EXT2: variants seen among roughly 807,000 people sequenced by gnomAD.
EXT2 encodes the protein exostosin glycosyltransferase 2.
EXT2 carries 53 observed loss-of-function variants against 81.6 expected under a neutral mutation model. That is an observed-to-expected ratio of 0.65 (90% CI 0.52 to 0.82). The LOEUF (loss-of-function observed/expected upper bound fraction) is 0.82. Among genes scored for constraint, EXT2 ranks in the 40% least tolerant of loss-of-function variants. The probability of loss-of-function intolerance (pLI) is 0.00; values close to 1 mark genes in which losing one functional copy is unlikely to be tolerated. For synonymous variants in EXT2, 320 were observed against 340.0 expected, an observed-to-expected ratio of 0.94 and a Z score of 0.65; for missense variants, 774 against 910.2, an observed-to-expected ratio of 0.85 and a Z score of 1.93.
chr11:44,177,936 T>A (rs935053378), intron 8 of EXT2, among the ~76,000 whole-genome samples: 6 of 152,202 alleles, frequency 3.9e-5, no homozygotes, highest in African/African-American at 7.2e-5. Flanking sequence ...AAGAGCTTTT[T>A]CTATGAAATC....
At chr11:44,239,176 G>A (rs1223270656) in intron 13 of EXT2, among the ~76,000 whole-genome samples, 1 of 152,104 alleles carries the variant, frequency 6.6e-6, no homozygotes, top group Non-Finnish European at 1.5e-5. Flanking sequence ...GGGAGGCTAT[G>A]AAGAAGGAGT....
intron 5 of EXT2, among the ~76,000 whole-genome samples, chr11:44,125,512 TA>T (rs1393543020): frequency 6.6e-6 from 1 of 152,166 alleles, no homozygotes; most frequent in Non-Finnish European, 1.5e-5. Flanking sequence ...GGAATGGCTG[TA>T]CTTCCATAAC....
intron 8 of EXT2, among the ~76,000 whole-genome samples, chr11:44,185,936 A>C (rs951694247): frequency 2.8e-4 from 43 of 152,222 alleles, no homozygotes; most frequent in African/African-American, 1.0e-3. Context: ...TGAAACTGTA[A>C]ATTTGTTTTA....
At chr11:44,137,057 G>T (rs1217622751) in intron 7 of EXT2, among the ~76,000 whole-genome samples, 2 of 152,024 alleles carry the variant, frequency 1.3e-5, no homozygotes, top group Admixed American at 1.3e-4. Context: ...AAGGAAAGTG[G>T]TCAACATGTG....
rs914087071 is a variant in EXT2, at chr11:44,248,288, G to T, written c.*4001G>T. Among the ~76,000 whole-genome samples, 19 of 152,310 alleles carry T rather than the reference G, an allele frequency of 1.2e-4. No individual in the cohort carries two copies. The highest frequency in any genetic ancestry group is 3.8e-4 in the African/African-American group (16 of 41,564). ...CCCATGTCTCCTCCAGCCACTTCCT[G>T]AGGAGCAGTTCTGGCAGGAGTGTTA... On this transcript the variant is annotated 3_prime_UTR_variant, in exon 14 of 14. Transcript: ENST00000533608.
intron 1 of EXT2, among the ~76,000 whole-genome samples, chr11:44,101,479 G>T (rs933189162): frequency 1.3e-5 from 2 of 152,196 alleles, no homozygotes; most frequent in Non-Finnish European, 2.9e-5. Context: ...GAGTTATCTG[G>T]CCTAAAATGT....
intron 12 of EXT2, among the ~76,000 whole-genome samples, 174 bp from the exon 13 acceptor site, chr11:44,236,119 G>A (rs541390644): frequency 1.5e-4 from 23 of 152,308 alleles, no homozygotes; most frequent in East Asian, 7.7e-4. Context: ...GAGTTCTGCC[G>A]TTGGCTGAGC....
In EXT2 at chr11:44,198,153, C is replaced by T. The variant is rs148243675; in HGVS notation, c.1495+135C>T. 1.7e-5 allele frequency: 15 copies of T among 901,680 alleles called. No individual in the cohort carries two copies. In the East Asian group the frequency reaches 3.2e-4, roughly 19 times the overall value. The allele number at this position is 901,680 out of a possible 1,614,324, so 55.9% of individuals were successfully genotyped here. On this transcript the variant is annotated intron_variant, in intron 9 of 13. Coordinates refer to ENST00000533608, the MANE Select transcript of EXT2 (RefSeq NM_207122.2). ...TGAGACAGCATGCCTCCATTTTTCT[C>T]AGTCATCTCATTCTTGTTCTAGGGT...
intron 8 of EXT2, among the ~76,000 whole-genome samples, chr11:44,176,400 C>A (rs1173440885): frequency 6.6e-6 from 1 of 152,032 alleles, no homozygotes; most frequent in African/African-American, 2.4e-5. Context: ...AAACTCTTAA[C>A]AATTTGAGAG....
chr11:44,130,758 G>A (rs937988518), intron 7 of EXT2, among the ~76,000 whole-genome samples: 4 of 152,302 alleles, frequency 2.6e-5, no homozygotes, highest in South Asian at 2.1e-4. Flanking sequence ...AGGTGAAAAA[G>A]TTAAGAAGAC....
At chr11:44,095,957 G>A (rs887521497) in intron 1 of EXT2, 105 bp downstream of exon 1, 9 of 421,626 alleles carry the variant, frequency 2.1e-5, no homozygotes, top group Non-Finnish European at 3.5e-5. Context: ...GAGCGCGGCC[G>A]CGCGGAGGCT....
intron 13 of EXT2, among the ~76,000 whole-genome samples, chr11:44,238,177 T>C (rs1463222377): frequency 6.6e-6 from 1 of 152,138 alleles, no homozygotes; most frequent in Non-Finnish European, 1.5e-5. Flanking sequence ...TATGGAGGCT[T>C]CCTCTTTGGA....
intron 7 of EXT2, among the ~76,000 whole-genome samples, chr11:44,156,390 A>C (rs1432194216): frequency 6.6e-6 from 1 of 152,094 alleles, no homozygotes; most frequent in East Asian, 1.9e-4. Context: ...GCTACTTTAT[A>C]GATCTTGTAG....
Position 44,109,238 on chromosome 11 carries a change from G to A in EXT2, c.581G>A (p.Gly194Glu). 3 of 1,614,084 alleles carry A rather than the reference G, an allele frequency of 1.9e-6. No homozygotes were observed. Among genetic ancestry groups the A allele is most frequent in the Non-Finnish European group, 2.5e-6 (3 of 1,179,992 alleles). ...TNHLLFNMLP[G>E]GPPDYNTALD... is the part of the protein sequence containing the mutation. ...CACCTGTTGTTCAACATGTTGCCTGGAGGTCCCCCAGATTATAACACAGCC... is the reference window on the plus strand; with the variant it reads ...CACCTGTTGTTCAACATGTTGCCTGAAGGTCCCCCAGATTATAACACAGCC... Residue 194 changes from glycine (G) to glutamate (E), a missense_variant, in exon 3 of 14, where the codon GGA (glycine) becomes GAA (glutamate). Coordinates refer to ENST00000533608, the MANE Select transcript of EXT2 (RefSeq NM_207122.2).
chr11:44,100,911 C>T (rs1462420731), intron 1 of EXT2, among the ~76,000 whole-genome samples: 12 of 152,110 alleles, frequency 7.9e-5, no homozygotes, highest in Non-Finnish European at 1.5e-4. Flanking sequence ...ATGCAGAGGA[C>T]AGCAGTTTCT....
At chr11:44,189,321 G>A (rs1013048348) in intron 8 of EXT2, among the ~76,000 whole-genome samples, 4 of 152,132 alleles carry the variant, frequency 2.6e-5, no homozygotes, top group Admixed American at 2.0e-4. Flanking sequence ...TGGTTGGTCA[G>A]TGAGATTTGG....
In EXT2 at chr11:44,119,169, T is replaced by TACATACAC. The variant is rs1954278270; in HGVS notation, c.743+4871_743+4872insTACACACA. ...ATATATATATATATATATATATATA[T>TACATACAC]ACACATACACACACACACACACACA... is the stretch of plus-strand genomic sequence containing the variant. On this transcript the variant is annotated intron_variant, in intron 4 of 13. Coordinates refer to ENST00000533608, the MANE Select transcript of EXT2 (RefSeq NM_207122.2). Among the ~76,000 whole-genome samples, 4 of 63,158 alleles carry TACATACAC rather than the reference T, an allele frequency of 6.3e-5. No individual in the cohort carries two copies. The South Asian group carries it at 1.7e-3, about 27-fold the overall frequency. The allele number at this position is 63,158 out of a possible 152,430, so 41.4% of individuals were successfully genotyped here. A position where few individuals can be genotyped will look rare whatever the true frequency, so the allele number is the denominator to read the frequency against.
chr11:44,146,269 C>G (rs1002192578), intron 7 of EXT2, among the ~76,000 whole-genome samples: 2 of 152,176 alleles, frequency 1.3e-5, no homozygotes, highest in African/African-American at 4.8e-5. Context: ...TCTCTAAATA[C>G]AGTTACATTT....
At chr11:44,165,684 T>C (rs1043558469) in intron 7 of EXT2, among the ~76,000 whole-genome samples, 10 of 152,232 alleles carry the variant, frequency 6.6e-5, no homozygotes, top group Admixed American at 2.6e-4. Context: ...TAAGTTGGAA[T>C]GTGGTTTAAT....
Sources: allele counts gnomAD v4.1 joint callset (sites outside exome capture counted in the v4.1 genomes callset), GRCh38; gene constraint gnomAD v4.1.1; transcripts MANE v1.5; gene names NCBI Gene and HGNC (gene_info 2026-07-23, HGNC 2026-07-21).